The following BNC2 variants were observed in gnomAD, a reference collection of about 807,000 sequenced individuals.
The protein encoded by BNC2 is zinc finger protein basonuclin-2.
BNC2 carries 20 observed loss-of-function variants against 76.3 expected under a neutral mutation model. The observed-to-expected ratio is 0.26, with a 90% confidence interval of 0.18 to 0.38. The LOEUF is 0.38. Ranked by LOEUF, BNC2 falls within the 10% of genes least tolerant of loss-of-function variation. BNC2 has a pLI of 1.00. For synonymous variants in BNC2, 582 were observed against 514.8 expected, an observed-to-expected ratio of 1.13 and a Z score of -1.77; for missense variants, 1,382 against 1,399.8, an observed-to-expected ratio of 0.99 and a Z score of 0.20.
intron 5 of BNC2, among the ~76,000 whole-genome samples, chr9:16,495,086 G>A (rs548213704): frequency 2.0e-4 from 30 of 152,148 alleles, no homozygotes; most frequent in African/African-American, 6.0e-4. Flanking sequence ...ACAGGTTGGC[G>A]GAGAGAAGAT....
chr9:16,684,498 C>T (rs1237656615), intron 3 of BNC2, among the ~76,000 whole-genome samples: 1 of 152,116 alleles, frequency 6.6e-6, no homozygotes, highest in East Asian at 1.9e-4. Context: ...AAAACTGAAA[C>T]CTCCTCCTAC....
intron 5 of BNC2, among the ~76,000 whole-genome samples, chr9:16,475,546 C>T (rs1253474085): frequency 6.6e-6 from 1 of 152,218 alleles, no homozygotes; most frequent in Non-Finnish European, 1.5e-5. Context: ...CTGCTCTATT[C>T]AGAGCTGCAT....
At position 16,530,579 on chromosome 9, in the gene BNC2, G is replaced by A. The variant is rs563940802; in HGVS notation, c.669+21951C>T. Among the ~76,000 whole-genome samples, 6 of 152,300 alleles carry A rather than the reference G, an allele frequency of 3.9e-5. No homozygotes were observed. In the East Asian group the frequency reaches 1.2e-3, roughly 29 times the overall value. ...TTATGCTGAGAAATCTGTCAAGAGC[G>A]GGAAAAGCACTTCATAGAGGGAGAA... On this transcript the variant is annotated intron_variant, in intron 5 of 6. Transcript: ENST00000380672.
At chr9:16,771,747 C>T (rs1186048409) in intron 1 of BNC2, among the ~76,000 whole-genome samples, 1 of 152,158 alleles carries the variant, frequency 6.6e-6, no homozygotes. Context: ...GTATTTAACA[C>T]TTTCTTCAAT....
chr9:16,650,902 T>C (rs1821776013), intron 3 of BNC2, among the ~76,000 whole-genome samples: 1 of 152,216 alleles, frequency 6.6e-6, no homozygotes, highest in African/African-American at 2.4e-5. Flanking sequence ...ACATGTGCTA[T>C]ACGTAATGCA....
intron 5 of BNC2, among the ~76,000 whole-genome samples, chr9:16,512,998 T>C (rs117878027): frequency 0.042 from 6,351 of 151,942 alleles, 181 homozygotes; most frequent in Middle Eastern, 0.082. Flanking sequence ...AGCTGGGTAT[T>C]TTGGCGCATG....
Position 16,726,561 on chromosome 9 carries a change from A to T in BNC2, c.330+1236T>A, listed in dbSNP as rs949478037. ...AACTCTTACAAACAAAAGCTTTTTAAAAAAAAAAAAAAAAAAAGCAGTTGC... is the reference window on the plus strand; with the variant it reads ...AACTCTTACAAACAAAAGCTTTTTATAAAAAAAAAAAAAAAAAGCAGTTGC... On this transcript the variant is annotated intron_variant, in intron 3 of 6. Transcript: ENST00000380672. Among the ~76,000 whole-genome samples the T allele has an allele frequency of 6.2e-4, 7 of 11,360 alleles. No homozygotes were observed. The East Asian group carries it at 6.8e-3, about 11-fold the overall frequency. 7.5% of individuals were successfully genotyped at this position (11,360 alleles called of 152,430 possible). A position where few individuals can be genotyped will look rare whatever the true frequency, so the allele number is the denominator to read the frequency against.
At chr9:16,497,951 C>G (rs955770686) in intron 5 of BNC2, among the ~76,000 whole-genome samples, 1 of 146,628 alleles carries the variant, frequency 6.8e-6, no homozygotes, top group Admixed American at 7.0e-5. Flanking sequence ...AAATGCCCAC[C>G]GATCAATGAG....
rs1818240018 is a variant in BNC2, at chr9:16,539,611, AGAGAGAGAAGGGAGGGAGGGAG to A, written c.669+12897_669+12918del. 2.8e-5 allele frequency among the ~76,000 whole-genome samples: 2 copies of A among 71,750 alleles called. 1 individual carries two copies. The highest frequency in any genetic ancestry group is 3.3e-4 in the Admixed American group (2 of 6,078). The allele number at this position is 71,750 out of a possible 152,430, so 47.1% of individuals were successfully genotyped here. On this transcript the variant is annotated intron_variant, in intron 5 of 6. Coordinates refer to ENST00000380672, the MANE Select transcript of BNC2 (RefSeq NM_017637.6). ...GAGGGAGGGAGCGAGGGAGGGAGAG[AGAGAGAGAAGGGAGGGAGGGAG>A]CGAGGGAGGGAGAGAGAGAGAGAAG...
chr9:16,599,764 A>C (rs1820193919), intron 3 of BNC2, among the ~76,000 whole-genome samples: 1 of 152,218 alleles, frequency 6.6e-6, no homozygotes, highest in South Asian at 2.1e-4. Flanking sequence ...ACCTAGGCGA[A>C]AGAGCGAGTC....
chr9:16,803,201 T>A (rs900630456), intron 1 of BNC2, among the ~76,000 whole-genome samples: 6 of 152,354 alleles, frequency 3.9e-5, no homozygotes, highest in African/African-American at 1.4e-4. Flanking sequence ...CTTGGCTCAA[T>A]TGTGAAATGC....
intron 5 of BNC2, among the ~76,000 whole-genome samples, chr9:16,538,977 T>C (rs963302842): frequency 3.9e-5 from 6 of 152,116 alleles, no homozygotes; most frequent in Non-Finnish European, 8.8e-5. Flanking sequence ...GTCACCAACT[T>C]CCACTAAACT....
intron 5 of BNC2, among the ~76,000 whole-genome samples, chr9:16,532,262 ATT>A (rs751590365): frequency 6.6e-6 from 1 of 152,040 alleles, no homozygotes; most frequent in Non-Finnish European, 1.5e-5. Flanking sequence ...GAAAATCTTT[ATT>A]TTTGTAATCT....
At chr9:16,528,458 C>T (rs1817878480) in intron 5 of BNC2, among the ~76,000 whole-genome samples, 1 of 152,104 alleles carries the variant, frequency 6.6e-6, no homozygotes, top group South Asian at 2.1e-4. Flanking sequence ...GGAACAACTT[C>T]CACTGTTGAT....
Position 16,790,295 on chromosome 9 carries a change from C to T in BNC2, c.4-51810G>A, listed in dbSNP as rs540028703. Reference sequence around the variant, plus strand: ...TATAGGCGTGAGCCACAGTGCCTGGCCATGAAATGATTTTAATAATCAACA... The same window carrying T: ...TATAGGCGTGAGCCACAGTGCCTGGTCATGAAATGATTTTAATAATCAACA... On this transcript the variant is annotated intron_variant, in intron 1 of 6. Coordinates refer to ENST00000380672, the MANE Select transcript of BNC2 (RefSeq NM_017637.6). Among the ~76,000 whole-genome samples the T allele has an allele frequency of 4.6e-5, 7 of 152,280 alleles. No individual in the cohort carries two copies. In the South Asian group the frequency reaches 1.0e-3, roughly 23 times the overall value.
chr9:16,640,272 G>C (rs776315068), intron 3 of BNC2, among the ~76,000 whole-genome samples: 2 of 152,096 alleles, frequency 1.3e-5, no homozygotes, highest in Admixed American at 6.6e-5. Flanking sequence ...TATTCAGAGA[G>C]GGTCTCAATC....
chr9:16,764,445 T>C (rs1344410217), intron 1 of BNC2, among the ~76,000 whole-genome samples: 1 of 152,158 alleles, frequency 6.6e-6, no homozygotes. Flanking sequence ...ATCTGGTAAG[T>C]AACCCAACCT....
intron 1 of BNC2, among the ~76,000 whole-genome samples, chr9:16,793,860 GTTTTTTTGTTTT>G (rs1375749958): frequency 2.1e-5 from 2 of 97,352 alleles, no homozygotes; most frequent in Non-Finnish European, 3.9e-5. Flanking sequence ...TGTGGTTTTT[GTTTTTTTGTTTT>G]TTTTTTTTTT....
chr9:16,865,715 A>G (rs1321706949), intron 1 of BNC2, among the ~76,000 whole-genome samples: 1 of 152,200 alleles, frequency 6.6e-6, no homozygotes, highest in African/African-American at 2.4e-5. Flanking sequence ...TTATGTACGG[A>G]TATTTTTAAA....
Sources: gnomAD v4.1 joint callset for allele counts (sites outside exome capture counted in the v4.1 genomes callset) on GRCh38, gnomAD v4.1.1 for gene constraint, MANE v1.5 for transcripts, NCBI Gene and HGNC (gene_info 2026-07-23, HGNC 2026-07-21) for gene names.